WWOX: variants seen among roughly 807,000 people sequenced by gnomAD.
WWOX encodes the protein WW domain containing oxidoreductase.
A neutral mutation model predicts 46.2 loss-of-function variants in WWOX; 69 were observed. That is an observed-to-expected ratio of 1.49 (90% CI 1.23 to 1.82). The LOEUF (loss-of-function observed/expected upper bound fraction) is 1.82. Among genes scored for constraint, WWOX ranks in the 40% most tolerant of loss-of-function variants. The pLI is 0.00. For synonymous variants in WWOX, 359 were observed against 202.6 expected, an observed-to-expected ratio of 1.77 and a Z score of -6.56; for missense variants, 919 against 542.6, an observed-to-expected ratio of 1.69 and a Z score of -6.89.
intron 8 of WWOX, among the ~76,000 whole-genome samples, chr16:78,940,941 G>GCC (rs199891486): frequency 6.6e-6 from 1 of 151,264 alleles, no homozygotes; most frequent in African/African-American, 2.4e-5. Context: ...ATTTTCTTCT[G>GCC]CCCCCCCACC....
chr16:78,132,475 GTAATTTATA>G (rs1258686269), intron 4 of WWOX, among the ~76,000 whole-genome samples: 1 of 152,180 alleles, frequency 6.6e-6, no homozygotes, highest in Non-Finnish European at 1.5e-5. Flanking sequence ...TGCTTCTTCT[GTAATTTATA>G]TTAATCACGC....
In WWOX at chr16:78,622,593, G is replaced by A. The variant is rs114232073; in HGVS notation, c.1056+189841G>A. On this transcript the variant is annotated intron_variant, in intron 8 of 8. Transcript: ENST00000566780. The stretch of plus-strand genomic sequence containing the variant: ...TAGTTTCTTCCTCTGTTTGACAGAT[G>A]GACCCTAAGACGGCCCCAGTGATAC... Among the ~76,000 whole-genome samples the A allele has an allele frequency of 8.5e-3, 1,297 of 151,856 alleles. 17 individuals are homozygous for A. The highest frequency in any genetic ancestry group is 0.029 in the African/African-American group (1,186 of 41,414).
chr16:78,576,702 C>T (rs1016540672), intron 8 of WWOX, among the ~76,000 whole-genome samples: 3 of 152,060 alleles, frequency 2.0e-5, no homozygotes, highest in African/African-American at 4.8e-5. Context: ...CATGATGGCT[C>T]ATAGGTGTAG....
intron 8 of WWOX, among the ~76,000 whole-genome samples, chr16:78,920,367 G>A (rs1434519832): frequency 6.6e-6 from 1 of 152,162 alleles, no homozygotes; most frequent in Non-Finnish European, 1.5e-5. Flanking sequence ...TCCCATGGGT[G>A]CAGATGTGAT....
At chr16:78,772,430 A>G (rs1266477100) in intron 8 of WWOX, among the ~76,000 whole-genome samples, 1 of 151,934 alleles carries the variant, frequency 6.6e-6, no homozygotes, top group Non-Finnish European at 1.5e-5. Flanking sequence ...TTTTTTTTTA[A>G]TCCAATCTGT....
At chr16:78,249,196 G>T (rs552761777) in intron 5 of WWOX, among the ~76,000 whole-genome samples, 1 of 152,174 alleles carries the variant, frequency 6.6e-6, no homozygotes, top group Non-Finnish European at 1.5e-5. Flanking sequence ...ATGGTTAAAT[G>T]TCTTTCCCAA....
At chr16:78,827,875 A>G (rs1355672358) in intron 8 of WWOX, among the ~76,000 whole-genome samples, 2 of 152,142 alleles carry the variant, frequency 1.3e-5, no homozygotes, top group Non-Finnish European at 2.9e-5. Flanking sequence ...TATGGCCAGC[A>G]GCCAGTGTTG....
chr16:79,201,545 C>T (rs770572371), intron 8 of WWOX, among the ~76,000 whole-genome samples: 16 of 152,006 alleles, frequency 1.1e-4, no homozygotes, highest in Non-Finnish European at 1.3e-4. Flanking sequence ...AAAAAAGTCC[C>T]GAAGGAAACT....
At chr16:78,649,180 T>C (rs2046910516) in intron 8 of WWOX, among the ~76,000 whole-genome samples, 1 of 152,156 alleles carries the variant, frequency 6.6e-6, no homozygotes, top group African/African-American at 2.4e-5. Flanking sequence ...AGACGGGATT[T>C]CACCATGTTG....
Position 78,386,084 on chromosome 16 carries a change from T to G in WWOX, c.517-776T>G, listed in dbSNP as rs1056143121. On this transcript the variant is annotated intron_variant, in intron 5 of 8. Transcript: ENST00000566780. ...TGCTAGGCGGGAACTTGGGCTTCTTTATCAGTGACTGGGGTCAGTTCTTGT... is the reference window on the plus strand; with the variant it reads ...TGCTAGGCGGGAACTTGGGCTTCTTGATCAGTGACTGGGGTCAGTTCTTGT... Among the ~76,000 whole-genome samples, 16 of 152,044 alleles carry G rather than the reference T, an allele frequency of 1.1e-4. No individual in the cohort carries two copies. In the Middle Eastern group the frequency reaches 0.01, roughly 97 times the overall value.
At chr16:78,263,659 C>A (rs2079295908) in intron 5 of WWOX, among the ~76,000 whole-genome samples, 1 of 152,088 alleles carries the variant, frequency 6.6e-6, no homozygotes, top group African/African-American at 2.4e-5. Context: ...AGAAGTGCCA[C>A]CAGTCCATTT....
At chr16:79,013,519 G>A (rs931357693) in intron 8 of WWOX, among the ~76,000 whole-genome samples, 8 of 152,120 alleles carry the variant, frequency 5.3e-5, no homozygotes, top group South Asian at 2.1e-4. Context: ...AAGCTCAGGC[G>A]TGTGCAACAG....
intron 5 of WWOX, among the ~76,000 whole-genome samples, chr16:78,245,758 T>C (rs948247953): frequency 6.6e-6 from 1 of 152,204 alleles, no homozygotes; most frequent in Non-Finnish European, 1.5e-5. Context: ...GAATGTTTCC[T>C]AAGTTAGTTC....
At chr16:78,191,228 C>G (rs1044072656) in intron 5 of WWOX, among the ~76,000 whole-genome samples, 1 of 152,156 alleles carries the variant, frequency 6.6e-6, no homozygotes, top group East Asian at 1.9e-4. Context: ...AAGATGCCCC[C>G]TCCTCTTGGG....
intron 8 of WWOX, among the ~76,000 whole-genome samples, chr16:78,502,725 AG>A (rs1474071466): frequency 1.3e-5 from 2 of 152,166 alleles, no homozygotes; most frequent in Non-Finnish European, 2.9e-5. Context: ...ACACTGGGCA[AG>A]TGTCTTAAAA....
chr16:79,071,238 G>C (rs183498269), intron 8 of WWOX, among the ~76,000 whole-genome samples: 2 of 152,284 alleles, frequency 1.3e-5, no homozygotes, highest in Admixed American at 6.5e-5. Context: ...CCTCTCCTAA[G>C]AGCATTTATT....
chr16:78,785,031 A>C (rs555591275), intron 8 of WWOX, among the ~76,000 whole-genome samples: 2 of 152,204 alleles, frequency 1.3e-5, no homozygotes, highest in Admixed American at 6.5e-5. Flanking sequence ...TGGCAACAGC[A>C]GTTATAGCCA....
intron 8 of WWOX, among the ~76,000 whole-genome samples, chr16:79,192,492 G>A (rs931515926): frequency 3.7e-4 from 57 of 152,258 alleles, no homozygotes; most frequent in African/African-American, 1.4e-3. Flanking sequence ...TCTCGTTAGT[G>A]CAAGAAATAA....
chr16:78,686,330 T>C (rs1266955270), intron 8 of WWOX, among the ~76,000 whole-genome samples: 3 of 151,834 alleles, frequency 2.0e-5, no homozygotes, highest in African/African-American at 7.3e-5. Context: ...GCTAAGTCGG[T>C]GAAACCCCGC....
Sources: gnomAD v4.1 joint callset for allele counts (sites outside exome capture counted in the v4.1 genomes callset) on GRCh38, gnomAD v4.1.1 for gene constraint, MANE v1.5 for transcripts, NCBI Gene and HGNC (gene_info 2026-07-23, HGNC 2026-07-21) for gene names.